Variants in GRIK5 observed in about 807,000 individuals in gnomAD.
GRIK5 encodes the protein glutamate ionotropic receptor kainate type subunit 5.
In GRIK5, 43 loss-of-function variants were observed where a neutral mutation model predicts 97.4. That is an observed-to-expected ratio of 0.44 (90% CI 0.35 to 0.57). The LOEUF (loss-of-function observed/expected upper bound fraction) is 0.57, where lower values mean the gene tolerates loss of function less well. GRIK5 is among the 20% of genes least tolerant of loss of function. The pLI is 0.01. For synonymous variants in GRIK5, 580 were observed against 583.5 expected (o/e 0.99, Z 0.09); for missense variants, 1,015 against 1,382.0 (o/e 0.73, Z 4.21).
At chr19:42,011,614 C>T (rs2075563826) in intron 15 of GRIK5, among the ~76,000 whole-genome samples, 1 of 148,888 alleles carries the variant, frequency 6.7e-6, no homozygotes, top group Non-Finnish European at 1.5e-5. Context: ...ACCCAGAAAA[C>T]CACTAAGAAA....
Position 41,998,682 on chromosome 19 carries a change from C to A in GRIK5, c.*189G>T. On this transcript the variant is annotated 3_prime_UTR_variant, in exon 20 of 20. Coordinates refer to ENST00000593562, the MANE Select transcript of GRIK5 (RefSeq NM_002088.5). ...CCCGCGGCACCCTCTCGCGAGTCCA[C>A]TGGGGGGCGCAGGCGGGCTCCAGAG... 4.8e-6 allele frequency: 1 copy of A among 208,244 alleles called. No homozygotes were observed. Among genetic ancestry groups the A allele is most frequent in the Non-Finnish European group, 9.3e-6 (1 of 107,804 alleles). 12.9% of individuals were successfully genotyped at this position (208,244 alleles called of 1,614,324 possible). A position where few individuals can be genotyped will look rare whatever the true frequency, so the allele number is the denominator to read the frequency against.
chr19:42,008,355 G>A (rs534849711), intron 15 of GRIK5, among the ~76,000 whole-genome samples: 29 of 152,186 alleles, frequency 1.9e-4, no homozygotes, highest in Non-Finnish European at 3.1e-4. Flanking sequence ...GGTTGGGCAC[G>A]GTGGCTCACA....
At chr19:42,036,216 C>T (rs1407092280) in intron 12 of GRIK5, among the ~76,000 whole-genome samples, 6 of 152,022 alleles carry the variant, frequency 3.9e-5, no homozygotes, top group African/African-American at 9.7e-5. Flanking sequence ...CACACCACTA[C>T]GCCTGGCTAA....
chr19:42,022,061 G>T lies in GRIK5; in HGVS notation c.1588-5C>A, dbSNP rs1183274951. On this transcript the variant is annotated splice_region_variant and splice_polypyrimidine_tract_variant and intron_variant, in intron 13 of 19. Coordinates refer to ENST00000593562, the MANE Select transcript of GRIK5 (RefSeq NM_002088.5). This position sits in a 1 kb window ranked among gnomAD's most constrained non-coding sequence, Gnocchi z 4.2. ...GAAGTAGCCAGGCTTGCGGCCCTGTGGGGAGAGGGAGTGAGACCCGGAGAC... is the reference window on the plus strand; with the variant it reads ...GAAGTAGCCAGGCTTGCGGCCCTGTTGGGAGAGGGAGTGAGACCCGGAGAC... 6.2e-7 allele frequency: 1 copy of T among 1,602,348 alleles called. No individual in the cohort carries two copies. The highest frequency in any genetic ancestry group is 1.7e-5 in the Admixed American group (1 of 59,390).
intron 9 of GRIK5, 26 bp downstream of exon 9, chr19:42,054,294 C>T (rs781583663): frequency 1.9e-6 from 3 of 1,593,958 alleles, no homozygotes; most frequent in African/African-American, 1.3e-5. Flanking sequence ...GTCCTGCCTC[C>T]TCCACCCATC....
rs1408938638 is a variant in GRIK5 at position 42,002,779 on chromosome 19, A to G, written c.2514+553T>C. ...CCTCTTCTGGTTCCCTCTGTCACCC[A>G]GGCTGGAGTGCAGTGGTGCAATCTC... is the stretch of plus-strand genomic sequence containing the variant. On this transcript the variant is annotated intron_variant, in intron 19 of 19. Coordinates refer to ENST00000593562, the MANE Select transcript of GRIK5 (RefSeq NM_002088.5). This position sits in a 1 kb window ranked among gnomAD's most constrained non-coding sequence, Gnocchi z 5.2. Among the ~76,000 whole-genome samples, 2 of 152,136 alleles carry G rather than the reference A, an allele frequency of 1.3e-5. No homozygotes were observed. The highest frequency in any genetic ancestry group is 4.8e-5 in the African/African-American group (2 of 41,424).
intron 1 of GRIK5, among the ~76,000 whole-genome samples, chr19:42,067,346 C>A (rs537769043): frequency 1.4e-4 from 22 of 152,318 alleles, no homozygotes; most frequent in African/African-American, 5.1e-4. Flanking sequence ...TGACTCACTG[C>A]GTGATCTTGA....
chr19:42,054,937 C>T (rs1400628841), intron 8 of GRIK5, among the ~76,000 whole-genome samples: 2 of 152,024 alleles, frequency 1.3e-5, no homozygotes, highest in Non-Finnish European at 2.9e-5. Context: ...AATGATTGGT[C>T]GCGGGCCTGG....
intron 9 of GRIK5, 27 bp downstream of exon 9, chr19:42,054,293 C>T: frequency 6.3e-7 from 1 of 1,593,864 alleles, no homozygotes; most frequent in Non-Finnish European, 8.6e-7. Context: ...TGTCCTGCCT[C>T]CTCCACCCAT....
In GRIK5 at chr19:42,003,568, G is replaced by A. The variant is rs1555871624; in HGVS notation, c.2379C>T (p.Asp793=). The A allele has an allele frequency of 6.2e-7, 1 of 1,611,776 alleles. No individual in the cohort carries two copies. Among genetic ancestry groups the A allele is most frequent in the Non-Finnish European group, 8.5e-7 (1 of 1,178,850 alleles). ...WEGGRCPKEE[D]HRAKGLGMEN... is the part of the protein sequence containing the mutation. The stretch of plus-strand genomic sequence containing the variant: ...GCGGGAACTGACCTTTAGCTCGATG[G>A]TCCTCCTCCTTGGGGCACCGGCCCC... The change falls in exon 18 of 20, where the codon GAC becomes GAT. Residue 793 remains aspartate, a synonymous_variant. Transcript: ENST00000593562. The surrounding 1 kb of genome is among the most constrained non-coding windows in gnomAD (Gnocchi z 4.2).
chr19:42,057,163 ATAGGGAGGCCT>A (rs1354720360), intron 6 of GRIK5, among the ~76,000 whole-genome samples, 185 bp from the exon 7 acceptor site: 1 of 152,162 alleles, frequency 6.6e-6, no homozygotes, highest in Non-Finnish European at 1.5e-5. Context: ...AAGTGGGGGC[ATAGGGAGGCCT>A]TAGTCCCTGG....
chr19:42,056,063 G>A (rs1352431671), intron 8 of GRIK5, among the ~76,000 whole-genome samples: 1 of 151,396 alleles, frequency 6.6e-6, no homozygotes, highest in Non-Finnish European at 1.5e-5. Context: ...TCAGCTCACT[G>A]CAACCTCCGC....
intron 15 of GRIK5, among the ~76,000 whole-genome samples, chr19:42,015,202 A>G (rs1311434836): frequency 1.3e-5 from 2 of 152,234 alleles, no homozygotes; most frequent in East Asian, 3.8e-4. Context: ...ATTTCCTGCA[A>G]TTACAGGGTG....
chr19:42,009,438 T>A (rs1170354272), intron 15 of GRIK5, among the ~76,000 whole-genome samples: 1 of 151,292 alleles, frequency 6.6e-6, no homozygotes, highest in Admixed American at 6.6e-5. Flanking sequence ...AGATGGGGTT[T>A]TGCCACGTTG....
Position 42,005,840 on chromosome 19 carries a change from G to T in GRIK5, c.2146C>A (p.Arg716Ser). The T allele has an allele frequency of 6.2e-7, 1 of 1,612,880 alleles. No homozygotes were observed. The highest frequency in any genetic ancestry group is 8.5e-7 in the Non-Finnish European group (1 of 1,178,902). ...GTGGACTCGAGCAGGAAGGCGTAGC[G>T]GGAGTTGAGGACGCGGGCAATGCCC... ...EEGIARVLNS[R>S]YAFLLESTMN... Residue 716 changes from arginine to serine, a missense_variant, in exon 17 of 20, where the codon CGC becomes AGC. Around this residue, in one of 5 missense-constraint regions of GRIK5, gnomAD observed 229 missense variants for 341.0 expected, o/e 0.67. Coordinates refer to ENST00000593562, the MANE Select transcript of GRIK5 (RefSeq NM_002088.5).
At chr19:42,038,516 T>G (rs577852421) in intron 12 of GRIK5, among the ~76,000 whole-genome samples, 3 of 152,380 alleles carry the variant, frequency 2.0e-5, no homozygotes, top group African/African-American at 7.2e-5. Flanking sequence ...CCTCTCTCAC[T>G]GGGTGGCCAT....
intron 12 of GRIK5, among the ~76,000 whole-genome samples, chr19:42,030,224 C>A (rs914769861): frequency 2.0e-5 from 3 of 152,156 alleles, no homozygotes; most frequent in Admixed American, 6.5e-5. Context: ...CGCTGTCGCC[C>A]AGGCTGGAGT....
At chr19:42,024,034 C>T (rs552342005) in intron 12 of GRIK5, among the ~76,000 whole-genome samples, 2 of 152,272 alleles carry the variant, frequency 1.3e-5, no homozygotes, top group African/African-American at 2.4e-5. Context: ...CATGATGGCC[C>T]GTTCTTTCCT....
chr19:42,060,781 G>T, intron 5 of GRIK5, among the ~76,000 whole-genome samples: 1 of 151,288 alleles, frequency 6.6e-6, no homozygotes, highest in East Asian at 2.0e-4. Context: ...CCCTCCTCCA[G>T]GTCTCTATTC....
Sources: allele counts gnomAD v4.1 joint callset (sites outside exome capture counted in the v4.1 genomes callset), GRCh38; gene constraint gnomAD v4.1.1; regional missense constraint gnomAD v4.1.1; non-coding constraint Gnocchi (gnomAD v3.1); transcripts MANE v1.5; gene names NCBI Gene and HGNC (gene_info 2026-07-23, HGNC 2026-07-21).